The following UNC45A variants were observed in gnomAD, a reference collection of about 807,000 sequenced individuals.
UNC45A encodes the protein unc-45 myosin chaperone A.
A neutral mutation model predicts 103.2 loss-of-function variants in UNC45A; 78 were observed. The observed-to-expected ratio is 0.76, with a 90% CI of 0.63 to 0.91. UNC45A has a LOEUF of 0.91. Ranked by LOEUF, UNC45A falls within the 40% of genes least tolerant of loss-of-function variation. UNC45A has a pLI of 0.00. For missense variants in UNC45A, 1,193 were observed against 1,224.8 expected, an observed-to-expected ratio of 0.97 and a Z score of 0.39; for synonymous variants, 495 against 504.6, an observed-to-expected ratio of 0.98 and a Z score of 0.25.
upstream of UNC45A, chr15:90,930,362 GTCTTT>G (rs1017431497): frequency 2.0e-5 from 3 of 152,470 alleles, no homozygotes; most frequent in African/African-American, 7.2e-5. Context: ...CTTCCGATAC[GTCTTT>G]TCTTTTTTCA....
chr15:90,934,489 C>A, upstream of UNC45A: 1 of 399,016 alleles, frequency 2.5e-6, no homozygotes, highest in Non-Finnish European at 4.4e-6. Flanking sequence ...TGCACCCGGG[C>A]TGAATTTGAG....
chr15:90,953,344 G>C, intron 19 of UNC45A, 34 bp downstream of exon 19: 1 of 1,595,774 alleles, frequency 6.3e-7, no homozygotes, highest in African/African-American at 1.3e-5. Context: ...GAGGAGGGAC[G>C]GACCAGGAAC....
intron 9 of UNC45A, among the ~76,000 whole-genome samples, chr15:90,946,315 A>G (rs1158943365): frequency 6.6e-6 from 1 of 152,012 alleles, no homozygotes; most frequent in Non-Finnish European, 1.5e-5. Context: ...TGGGGAGAAA[A>G]CTGATGATAA....
chr15:90,931,829 A>G (rs575157554), upstream of UNC45A: 64 of 1,613,648 alleles, frequency 4.0e-5, 1 homozygote, highest in South Asian at 6.5e-4. Flanking sequence ...CAGCTTGGGC[A>G]GAGTCTTGTC....
At chr15:90,932,776 AC>A, upstream of UNC45A, 1 of 389,794 alleles carries the variant, frequency 2.6e-6, no homozygotes, top group Admixed American at 4.5e-5. Context: ...TGCAAGAAGA[AC>A]ATAAGCCTGG....
intron 10 of UNC45A, 106 bp from the exon 11 acceptor site, chr15:90,947,690 A>AG: frequency 1.3e-6 from 1 of 743,658 alleles, no homozygotes. Flanking sequence ...TGTAGCTTCC[A>AG]GGGGGCCATG....
rs1298892765 is a variant in UNC45A at position 90,948,212 on chromosome 15, T to C, written c.1666T>C (p.Phe556Leu). 1 of 1,614,028 alleles carries C rather than the reference T, an allele frequency of 6.2e-7. No individual in the cohort carries two copies. Among genetic ancestry groups the C allele is most frequent in the East Asian group, 2.2e-5 (1 of 44,884 alleles). Residue 556 changes from phenylalanine to leucine, a missense_variant, in exon 12 of 20, where the codon TTT becomes CTT. By Grantham distance (22) the Phe-to-Leu change is conservative. Transcript: ENST00000418476. ...WAVEGLAYLT[F>L]DADVKEEFVE... ...AGTGGAGGGCCTGGCTTACCTGACC[T>C]TTGATGCCGACGTGAAGGAAGAGTT...
At chr15:90,940,279 C>A in intron 5 of UNC45A, 27 bp from the exon 6 acceptor site, 2 of 1,602,456 alleles carry the variant, frequency 1.2e-6, no homozygotes, top group Non-Finnish European at 1.7e-6. Flanking sequence ...GCAGTGTCAA[C>A]ATTATAATGT....
chr15:90,945,909 G>A (rs1400837138), intron 9 of UNC45A, among the ~76,000 whole-genome samples: 2 of 40,778 alleles, frequency 4.9e-5, no homozygotes, highest in African/African-American at 2.1e-4. Context: ...TAAAGTGCTG[G>A]GATTACAGGC....
At chr15:90,931,579 G>A, upstream of UNC45A, 1 of 1,614,162 alleles carries the variant, frequency 6.2e-7, no homozygotes, top group Non-Finnish European at 8.5e-7. Flanking sequence ...AGATCAAAGA[G>A]TGGTCCAGTA....
At chr15:90,935,068 C>T, upstream of UNC45A, 1 of 578,062 alleles carries the variant, frequency 1.7e-6, no homozygotes, top group South Asian at 2.0e-5. Context: ...CCGCAGGCCT[C>T]CCTCTGGGTC....
chr15:90,932,889 C>G (rs772764301), upstream of UNC45A: 8 of 241,872 alleles, frequency 3.3e-5, no homozygotes, highest in Non-Finnish European at 4.7e-5. Flanking sequence ...GCTCAGGGGA[C>G]TATGGGAGCG....
chr15:90,952,805 TC>T (rs2036990184), intron 17 of UNC45A, 123 bp from the exon 18 acceptor site: 2 of 803,718 alleles, frequency 2.5e-6, no homozygotes, highest in Non-Finnish European at 4.0e-6. Context: ...GAGGGACCCA[TC>T]CCATGACCCA....
intron 17 of UNC45A, among the ~76,000 whole-genome samples, chr15:90,951,084 C>G (rs933620891): frequency 6.6e-5 from 10 of 152,134 alleles, no homozygotes; most frequent in African/African-American, 1.9e-4. Context: ...CTCAGCTCAC[C>G]GCAACCTCTG....
intron 8 of UNC45A, 33 bp from the exon 9 acceptor site, chr15:90,944,859 G>A: frequency 6.3e-7 from 1 of 1,599,188 alleles, no homozygotes; most frequent in African/African-American, 1.3e-5. Flanking sequence ...GTTGGAACTA[G>A]TGTTCTACTG....
At chr15:90,931,706 T>G (rs1429036009), upstream of UNC45A, 1 of 1,613,968 alleles carries the variant, frequency 6.2e-7, no homozygotes, top group Non-Finnish European at 8.5e-7. Flanking sequence ...AAGCGTACCC[T>G]CTGGGGTGCA....
At chr15:90,936,599 G>A in intron 4 of UNC45A, 139 bp downstream of exon 4, 1 of 986,266 alleles carries the variant, frequency 1.0e-6, no homozygotes, top group East Asian at 2.7e-5. Flanking sequence ...AAATTAAGAT[G>A]ACAGCACATT....
chr15:90,931,839 C>T, upstream of UNC45A: 1 of 1,614,162 alleles, frequency 6.2e-7, no homozygotes, highest in Non-Finnish European at 8.5e-7. Context: ...AGAGTCTTGT[C>T]ATCTGTTACC....
chr15:90,946,185 T>G (rs1189653206), intron 9 of UNC45A, among the ~76,000 whole-genome samples: 3 of 133,900 alleles, frequency 2.2e-5, no homozygotes, highest in African/African-American at 5.6e-5. Context: ...ATCCAGGAGG[T>G]GGAGGTTGCA....
Sources: allele counts gnomAD v4.1 joint callset (sites outside exome capture counted in the v4.1 genomes callset), GRCh38; gene constraint gnomAD v4.1.1; transcripts MANE v1.5; gene names NCBI Gene and HGNC (gene_info 2026-07-23, HGNC 2026-07-21).